PRKAB2: variants seen among roughly 807,000 people sequenced by gnomAD.
PRKAB2 encodes the protein protein kinase AMP-activated non-catalytic subunit beta 2, also known as 5'-AMP-activated protein kinase subunit beta-2.
A neutral mutation model predicts 29.8 loss-of-function variants in PRKAB2; 18 were observed. That is an observed-to-expected ratio of 0.60 (90% CI 0.42 to 0.89). The LOEUF is 0.89. Among genes scored for constraint, PRKAB2 ranks in the 40% least tolerant of loss-of-function variants. The pLI is 0.00. For synonymous variants in PRKAB2, 136 were observed against 125.9 expected (o/e 1.08, Z -0.54); for missense variants, 270 against 344.3 (o/e 0.78, Z 1.71).
At chr1:147,164,885 C>G (rs1654159908) in intron 5 of PRKAB2, among the ~76,000 whole-genome samples, 1 of 152,150 alleles carries the variant, frequency 6.6e-6, no homozygotes, top group African/African-American at 2.4e-5. Context: ...TTATATAATG[C>G]AAAAATTAGT....
rs1189173567 is a variant in PRKAB2 at position 147,157,653 on chromosome 1, T to C, written c.*1912A>G. 2 of 152,166 alleles carry C rather than the reference T, an allele frequency of 1.3e-5. No homozygotes were observed. Among genetic ancestry groups the C allele is most frequent in the African/African-American group, 4.8e-5 (2 of 41,434 alleles). 9.4% of individuals were successfully genotyped at this position (152,166 alleles called of 1,614,324 possible). A position where few individuals can be genotyped will look rare whatever the true frequency, so the allele number is the denominator to read the frequency against. On this transcript the variant is annotated 3_prime_UTR_variant, in exon 8 of 8. Transcript: ENST00000254101. ...TTTTGAATCTTCCTAAGTGGCCCAC[T>C]TATTTAATGAGTATTGGATAAAAAC...
At chr1:147,171,057 T>A (rs1361190113) in intron 2 of PRKAB2, among the ~76,000 whole-genome samples, 3 of 152,258 alleles carry the variant, frequency 2.0e-5, no homozygotes, top group Non-Finnish European at 4.4e-5. Context: ...TCCATTTTTC[T>A]ATCTCATCCA....
At chr1:147,170,249 T>G (rs1553914175) in intron 2 of PRKAB2, among the ~76,000 whole-genome samples, 2 of 152,164 alleles carry the variant, frequency 1.3e-5, no homozygotes, top group African/African-American at 4.8e-5. Flanking sequence ...ATCTGAAAAT[T>G]ATATGAATAA....
chr1:147,172,297 C>T (rs1345851702), intron 1 of PRKAB2, 130 bp from the exon 2 acceptor site: 5 of 1,075,526 alleles, frequency 4.6e-6, no homozygotes, highest in Non-Finnish European at 6.4e-6. Context: ...CCCTGGAGCC[C>T]TCTCCCTCCT....
Position 147,162,426 on chromosome 1 carries a change from C to T in PRKAB2, c.672+14G>A. 1 of 1,607,884 alleles carries T rather than the reference C, an allele frequency of 6.2e-7. No individual in the cohort carries two copies. The highest frequency in any genetic ancestry group is 8.5e-7 in the Non-Finnish European group (1 of 1,175,920). On this transcript the variant is annotated intron_variant, in intron 6 of 7. Transcript: ENST00000254101. ...GACACCCCCAGATGCCCCAGTAATA[C>T]TCAGGATACTCACAGAAATATTAGT...
At chr1:147,171,501 A>G (rs1553914357) in intron 2 of PRKAB2, among the ~76,000 whole-genome samples, 2 of 152,248 alleles carry the variant, frequency 1.3e-5, no homozygotes, top group Admixed American at 1.3e-4. Context: ...AGGGAAGAGG[A>G]TCACAACTGT....
chr1:147,162,532 ACATTTCTTGACCATAAG>A lies in PRKAB2; in HGVS notation c.563_579del (p.Pro188LeufsTer6). On this transcript the variant is annotated frameshift_variant, in exon 6 of 8. Transcript: ENST00000254101. LOFTEE classifies it high-confidence loss of function. ...AATCTTTCCTCAGATCGAAACGCAT[ACATTTCTTGACCATAAG>A]GCCCTGGGGGTGAGCTGGAAAGGTC... 1 of 1,612,294 alleles carries A rather than the reference ACATTTCTTGACCATAAG, an allele frequency of 6.2e-7. No homozygotes were observed.
chr1:147,164,913 T>TC (rs1424565384), intron 5 of PRKAB2, among the ~76,000 whole-genome samples: 2 of 152,222 alleles, frequency 1.3e-5, no homozygotes, highest in Admixed American at 6.5e-5. Flanking sequence ...ATCCTCATAA[T>TC]CTAATTCAGC....
At chr1:147,163,592 C>T (rs1294921844) in intron 5 of PRKAB2, among the ~76,000 whole-genome samples, 2 of 152,160 alleles carry the variant, frequency 1.3e-5, no homozygotes, top group Non-Finnish European at 2.9e-5. Context: ...ACGCCAGTCA[C>T]AAAAGACCAC....
At position 147,159,640 on chromosome 1, in the gene PRKAB2, G is replaced by A. The variant is rs781881206; in HGVS notation, c.744C>T (p.Asp248=). The change falls in exon 8 of 8, where the codon GAC becomes GAT. Residue 248 remains aspartate, a splice_region_variant and synonymous_variant. Transcript: ENST00000254101. ...GGGTTGCGCTAAGGACCATCACACTGTCCTGCAAGGAAAAGAAACATACGC... is the reference window on the plus strand; with the variant it reads ...GGGTTGCGCTAAGGACCATCACACTATCCTGCAAGGAAAAGAAACATACGC... ...LNHLYALSIK[D]SVMVLSATHR... 1.2e-6 allele frequency: 2 copies of A among 1,613,182 alleles called. No individual in the cohort carries two copies. The highest frequency in any genetic ancestry group is 2.2e-5 in the South Asian group (2 of 90,994).
chr1:147,171,288 G>A (rs1553914326), intron 2 of PRKAB2, among the ~76,000 whole-genome samples: 1 of 152,168 alleles, frequency 6.6e-6, no homozygotes, highest in Non-Finnish European at 1.5e-5. Flanking sequence ...AAGTACTACT[G>A]AGGAGTAAAC....
chr1:147,172,299 C>G (rs1654696448), intron 1 of PRKAB2, 130 bp downstream of exon 1: 2 of 1,073,094 alleles, frequency 1.9e-6, no homozygotes, highest in Non-Finnish European at 2.6e-6. Flanking sequence ...CTGGAGCCCT[C>G]TCCCTCCTGG....
In PRKAB2 at chr1:147,166,868, T is replaced by G. The variant is rs781895843; in HGVS notation, c.395A>C (p.Gln132Pro). 6.2e-7 allele frequency: 1 copy of G among 1,613,958 alleles called. No individual in the cohort carries two copies. The highest frequency in any genetic ancestry group is 1.7e-5 in the Admixed American group (1 of 60,030). Residue 132 changes from glutamine (Q) to proline (P), a missense_variant, in exon 4 of 8, where the codon CAG becomes CCG. Gln to Pro is a moderately conservative substitution (Grantham distance 76). Coordinates refer to ENST00000254101, the MANE Select transcript of PRKAB2 (RefSeq NM_005399.5). ...TACCTCTGATGGATCATGAACCCAC[T>G]GTCCATCCACAAAGAACTTGTATTG... The part of the protein sequence containing the change: ...EHQYKFFVDG[Q>P]WVHDPSEPVV...
At position 147,158,436 on chromosome 1, in the gene PRKAB2, T is replaced by C. The variant is rs587645606; in HGVS notation, c.*1129A>G. ...GAGCAGTGTTTAGTGTAGTGATGTG[T>C]ACAGGGTTGGCCATATTAATCTAAG... On this transcript the variant is annotated 3_prime_UTR_variant, in exon 8 of 8. Coordinates refer to ENST00000254101, the MANE Select transcript of PRKAB2 (RefSeq NM_005399.5). 6.6e-6 allele frequency: 1 copy of C among 152,226 alleles called. No homozygotes were observed. The highest frequency in any genetic ancestry group is 1.5e-5 in the Non-Finnish European group (1 of 68,012). The allele number at this position is 152,226 out of a possible 1,614,324, so 9.4% of individuals were successfully genotyped here. A position where few individuals can be genotyped will look rare whatever the true frequency, so the allele number is the denominator to read the frequency against.
At position 147,155,723 on chromosome 1, in the gene PRKAB2, A is replaced by G. The variant is rs868952884; in HGVS notation, c.*3842T>C. 1 of 152,598 alleles carries G rather than the reference A, an allele frequency of 6.6e-6. No homozygotes were observed. Among genetic ancestry groups the G allele is most frequent in the African/African-American group, 2.4e-5 (1 of 41,438 alleles). 9.5% of individuals were successfully genotyped at this position (152,598 alleles called of 1,614,324 possible). The stretch of plus-strand genomic sequence containing the variant: ...CAATCAATTCAAGTTAACTCCAACT[A>G]ATATTGGAACTAATAAAAAATTAAT... On this transcript the variant is annotated 3_prime_UTR_variant, in exon 8 of 8. Transcript: ENST00000254101.
rs1025717192 is a variant in PRKAB2 at position 147,156,695 on chromosome 1, G to T, written c.*2870C>A. On this transcript the variant is annotated 3_prime_UTR_variant, in exon 8 of 8. Transcript: ENST00000254101. Reference sequence around the variant, plus strand: ...TCTCCATACCAGCAGCATGGCTAACGTATGTGTTTTAGGTAATGTCTGACA... The same window carrying T: ...TCTCCATACCAGCAGCATGGCTAACTTATGTGTTTTAGGTAATGTCTGACA... 1 of 152,116 alleles carries T rather than the reference G, an allele frequency of 6.6e-6. No homozygotes were observed. The highest frequency in any genetic ancestry group is 1.5e-5 in the Non-Finnish European group (1 of 68,016). The allele number at this position is 152,116 out of a possible 1,614,324, so 9.4% of individuals were successfully genotyped here.
intron 3 of PRKAB2, among the ~76,000 whole-genome samples, chr1:147,167,267 G>A (rs1206379734): frequency 6.6e-6 from 1 of 152,176 alleles, no homozygotes; most frequent in Non-Finnish European, 1.5e-5. Flanking sequence ...AAGATAGGTA[G>A]GTTTAGGATA....
chr1:147,164,313 C>T (rs1559610160), intron 5 of PRKAB2, among the ~76,000 whole-genome samples: 1 of 152,006 alleles, frequency 6.6e-6, no homozygotes, highest in African/African-American at 2.4e-5. Context: ...AATAAAATAG[C>T]TAGAAGAAAG....
chr1:147,171,048 C>A (rs1206534867), intron 2 of PRKAB2, among the ~76,000 whole-genome samples: 1 of 152,234 alleles, frequency 6.6e-6, no homozygotes. Flanking sequence ...CTCAAGCCCT[C>A]CATTTTTCTA....
Sources: allele counts gnomAD v4.1 joint callset (sites outside exome capture counted in the v4.1 genomes callset), GRCh38; gene constraint gnomAD v4.1.1; transcripts MANE v1.5; gene names NCBI Gene and HGNC (gene_info 2026-07-23, HGNC 2026-07-21).